Variants in THSD4 observed in about 807,000 individuals in gnomAD.
The protein encoded by THSD4 is thrombospondin type 1 domain containing 4.
Under a neutral mutation model 119.0 loss-of-function variants are expected in THSD4, and 69 were observed. That is an observed-to-expected ratio of 0.58 (90% confidence interval 0.48 to 0.71). The LOEUF is 0.71. Among genes scored for constraint, THSD4 ranks in the 30% least tolerant of loss-of-function variants. The pLI is 0.00. For missense variants in THSD4, 1,393 were observed against 1,391.1 expected (o/e 1.00, Z -0.02); for synonymous variants, 524 against 540.4 (o/e 0.97, Z 0.42).
At chr15:71,439,817 A>G (rs949418629) in intron 7 of THSD4, among the ~76,000 whole-genome samples, 32 of 152,264 alleles carry the variant, frequency 2.1e-4, no homozygotes, top group African/African-American at 7.0e-4. Flanking sequence ...GAACAATGAG[A>G]ACACATGGAC....
chr15:71,560,970 C>CTT (rs11292320), intron 7 of THSD4, among the ~76,000 whole-genome samples: 6 of 123,986 alleles, frequency 4.8e-5, no homozygotes, highest in African/African-American at 1.5e-4. Context: ...TTCTCTTTAT[C>CTT]TTTTTTTTTT....
At chr15:71,723,214 T>C (rs1484272992) in intron 8 of THSD4, among the ~76,000 whole-genome samples, 1 of 152,200 alleles carries the variant, frequency 6.6e-6, no homozygotes, top group Non-Finnish European at 1.5e-5. Flanking sequence ...TTTCAAGTTT[T>C]AGCCATGTAA....
At chr15:71,372,221 C>G (rs892913598) in intron 6 of THSD4, among the ~76,000 whole-genome samples, 1 of 152,154 alleles carries the variant, frequency 6.6e-6, no homozygotes, top group Admixed American at 6.5e-5. Context: ...GTAATGGGTT[C>G]GAACTTCCTT....
At chr15:71,517,102 A>T (rs2048372588) in intron 7 of THSD4, among the ~76,000 whole-genome samples, 1 of 152,226 alleles carries the variant, frequency 6.6e-6, no homozygotes, top group Non-Finnish European at 1.5e-5. Flanking sequence ...CTAGACTAAC[A>T]TACAAGATTA....
chr15:71,553,579 G>C (rs2048967339), intron 7 of THSD4, among the ~76,000 whole-genome samples: 1 of 152,082 alleles, frequency 6.6e-6, no homozygotes, highest in African/African-American at 2.4e-5. Flanking sequence ...CACCCGCCTT[G>C]AACTCTCAAA....
chr15:71,463,039 T>C (rs2047448501), intron 7 of THSD4, among the ~76,000 whole-genome samples: 1 of 152,242 alleles, frequency 6.6e-6, no homozygotes, highest in African/African-American at 2.4e-5. Flanking sequence ...ACTAAAATTA[T>C]CAGTTTTGTT....
At chr15:71,582,044 A>C (rs2076032318) in intron 7 of THSD4, among the ~76,000 whole-genome samples, 1 of 152,114 alleles carries the variant, frequency 6.6e-6, no homozygotes, top group Non-Finnish European at 1.5e-5. Context: ...TTCTGTGAAA[A>C]ATGCCTTTGT....
chr15:71,365,131 T>TTGTGTGTTTGTGTGTGTGTG (rs2045941994), intron 6 of THSD4, among the ~76,000 whole-genome samples: 1 of 135,824 alleles, frequency 7.4e-6, no homozygotes, highest in Non-Finnish European at 1.6e-5. Flanking sequence ...GCCCCCCCCA[T>TTGTGTGTTTGTGTGTGTGTG]TGTGTGTGTG....
chr15:71,431,096 C>A (rs2046938356), intron 7 of THSD4, among the ~76,000 whole-genome samples: 1 of 152,148 alleles, frequency 6.6e-6, no homozygotes, highest in Admixed American at 6.5e-5. Flanking sequence ...GCAAATGTTT[C>A]AATTTTGTTC....
chr15:71,735,632 CTT>C (rs1467944373), intron 10 of THSD4, among the ~76,000 whole-genome samples: 1 of 151,446 alleles, frequency 6.6e-6, no homozygotes, highest in East Asian at 2.0e-4. Context: ...GTTTCTCTCT[CTT>C]GCTGTCTCTC....
intron 5 of THSD4, among the ~76,000 whole-genome samples, chr15:71,253,726 A>T (rs1182042625): frequency 1.3e-5 from 2 of 152,210 alleles, no homozygotes; most frequent in African/African-American, 4.8e-5. Flanking sequence ...CTTTTATTAC[A>T]TAAATATTAC....
intron 11 of THSD4, among the ~76,000 whole-genome samples, chr15:71,740,331 C>T (rs901828678): frequency 1.3e-5 from 2 of 152,066 alleles, no homozygotes; most frequent in East Asian, 1.9e-4. Flanking sequence ...GATATAGGAA[C>T]CCGAAATCAA....
At chr15:71,196,142 A>G (rs2043717614) in intron 3 of THSD4, among the ~76,000 whole-genome samples, 1 of 152,214 alleles carries the variant, frequency 6.6e-6, no homozygotes, top group Admixed American at 6.5e-5. Flanking sequence ...GCAGAAGAGC[A>G]AGCCAGCTGA....
At chr15:71,097,775 A>C (rs1005955864) in intron 1 of THSD4, among the ~76,000 whole-genome samples, 2 of 151,000 alleles carry the variant, frequency 1.3e-5, no homozygotes, top group South Asian at 4.2e-4. Context: ...TTCATCACAC[A>C]ATCTGTAATG....
In THSD4 at chr15:71,101,724, T is replaced by A. The variant is rs576030020; in HGVS notation, c.-80+4718T>A. Among the ~76,000 whole-genome samples, 9 of 152,008 alleles carry A rather than the reference T, an allele frequency of 5.9e-5. No homozygotes were observed. The South Asian group carries it at 8.3e-4, about 14-fold the overall frequency. ...GTAGTTTTCTTTTCTTTTTTATTTT[T>A]TTTTTTTGAGACAGAGTCTCACTCT... On this transcript the variant is annotated intron_variant, in intron 1 of 17. Coordinates refer to the THSD4 transcript ENST00000355327.
At chr15:71,547,405 T>G (rs1231516205) in intron 7 of THSD4, 4 of 1,550,182 alleles carry the variant, frequency 2.6e-6, no homozygotes, top group Non-Finnish European at 3.5e-6. Flanking sequence ...TAACTTTGGG[T>G]AATAATGTTT....
At chr15:71,740,861 G>A (rs985701307) in intron 11 of THSD4, among the ~76,000 whole-genome samples, 8 of 150,502 alleles carry the variant, frequency 5.3e-5, no homozygotes, top group Non-Finnish European at 5.9e-5. Flanking sequence ...AAGCCTTCCT[G>A]ATTCTGCAAA....
In THSD4 at chr15:71,779,722, C is replaced by T. The variant is rs2053969129; in HGVS notation, c.*2348C>T. On this transcript the variant is annotated 3_prime_UTR_variant, in exon 18 of 18. Coordinates refer to ENST00000261862, the MANE Select transcript of THSD4 (RefSeq NM_024817.3). ...CCTATGGCTGCTGAAGGTTACCTAA[C>T]CATTCTTTAAAAGGAGAATGACCCT... The T allele has an allele frequency of 2.6e-5, 4 of 152,198 alleles. No individual in the cohort carries two copies. The highest frequency in any genetic ancestry group is 2.6e-4 in the Admixed American group (4 of 15,288). 9.4% of individuals were successfully genotyped at this position (152,198 alleles called of 1,614,324 possible). A position where few individuals can be genotyped will look rare whatever the true frequency, so the allele number is the denominator to read the frequency against.
intron 6 of THSD4, among the ~76,000 whole-genome samples, chr15:71,352,311 C>T (rs2140407403): frequency 6.6e-6 from 1 of 152,340 alleles, no homozygotes; most frequent in South Asian, 2.1e-4. Flanking sequence ...ACAAAGCAAA[C>T]TTCTGGCTGA....
Sources: gnomAD v4.1 joint callset for allele counts (sites outside exome capture counted in the v4.1 genomes callset) on GRCh38, gnomAD v4.1.1 for gene constraint, MANE v1.5 for transcripts, NCBI Gene and HGNC (gene_info 2026-07-23, HGNC 2026-07-21) for gene names.